PPWD1: variants seen among roughly 807,000 people sequenced by gnomAD.
PPWD1 encodes peptidylprolyl isomerase domain and WD repeat-containing protein 1.
Under a neutral mutation model 68.8 loss-of-function variants are expected in PPWD1, and 43 were observed. That is an observed-to-expected ratio of 0.62 (90% CI 0.49 to 0.81). The LOEUF (loss-of-function observed/expected upper bound fraction) is 0.81. Among genes scored for constraint, PPWD1 ranks in the 30% least tolerant of loss-of-function variants. The pLI is 0.00. For synonymous variants in PPWD1, 232 were observed against 258.7 expected (o/e 0.90, Z 0.99); for missense variants, 672 against 804.8 (o/e 0.83, Z 2.00).
At chr5:65,580,370 C>A (rs1753540559) in intron 7 of PPWD1, among the ~76,000 whole-genome samples, 1 of 152,144 alleles carries the variant, frequency 6.6e-6, no homozygotes, top group Non-Finnish European at 1.5e-5. Flanking sequence ...CTTCATTTTT[C>A]ATTCATTTGC....
chr5:65,565,097 TTAAA>T (rs1752678637), intron 1 of PPWD1, among the ~76,000 whole-genome samples: 1 of 152,274 alleles, frequency 6.6e-6, no homozygotes, highest in Admixed American at 6.5e-5. Context: ...GGTCCTCTTA[TTAAA>T]TGTTTCCATA....
intron 7 of PPWD1, among the ~76,000 whole-genome samples, chr5:65,581,236 A>C (rs926902914): frequency 1.3e-5 from 2 of 152,172 alleles, no homozygotes; most frequent in African/African-American, 4.8e-5. Context: ...TGAAGGAAAA[A>C]AATTAATCGT....
intron 1 of PPWD1, among the ~76,000 whole-genome samples, chr5:65,566,495 G>A (rs1463878682): frequency 1.3e-5 from 2 of 152,110 alleles, no homozygotes; most frequent in East Asian, 3.8e-4. Flanking sequence ...TCACTCCAGG[G>A]GAAAGTGAGA....
At chr5:65,578,099 G>C (rs1467870832) in intron 6 of PPWD1, among the ~76,000 whole-genome samples, 1 of 152,198 alleles carries the variant, frequency 6.6e-6, no homozygotes, top group African/African-American at 2.4e-5. Flanking sequence ...AAATCATACA[G>C]TATGTAGTCT....
chr5:65,571,583 GTGCTGCTATA>G (rs1015281101), intron 4 of PPWD1, among the ~76,000 whole-genome samples: 3 of 152,126 alleles, frequency 2.0e-5, no homozygotes, highest in Non-Finnish European at 4.4e-5. Flanking sequence ...AGAAATAAGT[GTGCTGCTATA>G]TGCAGTTCTT....
At chr5:65,580,611 T>G (rs895610305) in intron 7 of PPWD1, among the ~76,000 whole-genome samples, 3 of 152,182 alleles carry the variant, frequency 2.0e-5, no homozygotes, top group Non-Finnish European at 1.5e-5. Flanking sequence ...CCTCCTGGGT[T>G]CCAGCAATTC....
intron 7 of PPWD1, 84 bp from the exon 8 acceptor site, chr5:65,582,954 T>C: frequency 7.0e-7 from 1 of 1,427,610 alleles, no homozygotes. Context: ...TCTTAAGTAC[T>C]TCATTAGAAA....
chr5:65,580,094 A>T (rs1286540338), intron 7 of PPWD1, among the ~76,000 whole-genome samples: 1 of 151,472 alleles, frequency 6.6e-6, no homozygotes, highest in Non-Finnish European at 1.5e-5. Context: ...TCTTCTGGAG[A>T]ACTAAAAGTA....
In PPWD1 at chr5:65,583,141, A is replaced by G. The variant is rs1753670450; in HGVS notation, c.1454A>G (p.Glu485Gly). ...KEEVMAATQA[E>G]GPKRVSDSAI... ...GAAGTCATGGCAGCTACTCAAGCTGAAGGACCTAAACGAGTTTCGGACAGT... is the reference window on the plus strand; with the variant it reads ...GAAGTCATGGCAGCTACTCAAGCTGGAGGACCTAAACGAGTTTCGGACAGT... The change falls in exon 8 of 11, where the codon GAA becomes GGA. Residue 485 changes from glutamate (E) to glycine (G), a missense_variant. Coordinates refer to ENST00000261308, the MANE Select transcript of PPWD1 (RefSeq NM_015342.4). 1.9e-6 allele frequency: 3 copies of G among 1,613,746 alleles called. No homozygotes were observed. The highest frequency in any genetic ancestry group is 2.5e-6 in the Non-Finnish European group (3 of 1,179,852).
chr5:65,563,319 G>A lies in PPWD1; in HGVS notation c.9G>A (p.Ala3=), dbSNP rs774723839. The change falls in exon 1 of 11, where the codon GCG becomes GCA. Residue 3 remains alanine (A), a synonymous_variant. Coordinates refer to ENST00000261308, the MANE Select transcript of PPWD1 (RefSeq NM_015342.4). MA[A]ESGSDFQQRR... is the part of the protein sequence containing the mutation. ...CTGACGATGCGAACAACATGGCGGC[G>A]GAAAGTGGTAGCGATTTTCAGCAGA... The A allele has an allele frequency of 5.6e-6, 9 of 1,612,912 alleles. No individual in the cohort carries two copies. The African/African-American group carries it at 1.1e-4, about 19-fold the overall frequency.
At chr5:65,577,488 T>G (rs901638572) in intron 6 of PPWD1, among the ~76,000 whole-genome samples, 1 of 152,200 alleles carries the variant, frequency 6.6e-6, no homozygotes, top group African/African-American at 2.4e-5. Context: ...GTGAAAACAG[T>G]CCATTTGGTC....
rs1466146043 is a variant in PPWD1 at position 65,569,911 on chromosome 5, G to A, written c.434G>A (p.Gly145Glu). Reference sequence around the variant, plus strand: ...GAGAGTATTGCAGTTAGCTCTGAGGGAGCATTGTTCTGTTCTGTGGGTGAT... The same window carrying A: ...GAGAGTATTGCAGTTAGCTCTGAGGAAGCATTGTTCTGTTCTGTGGGTGAT... ...VIESIAVSSE[G>E]ALFCSVGDDK... The change falls in exon 4 of 11, where the codon GGA (glycine) becomes GAA (glutamate). Residue 145 changes from glycine to glutamate, a missense_variant. Physicochemically the swap from Gly to Glu is moderately conservative, Grantham distance 98. Coordinates refer to ENST00000261308, the MANE Select transcript of PPWD1 (RefSeq NM_015342.4). 6.2e-7 allele frequency: 1 copy of A among 1,611,056 alleles called. No individual in the cohort carries two copies. The highest frequency in any genetic ancestry group is 8.5e-7 in the Non-Finnish European group (1 of 1,178,090).
At chr5:65,578,402 A>G (rs1211177744) in intron 6 of PPWD1, among the ~76,000 whole-genome samples, 1 of 152,232 alleles carries the variant, frequency 6.6e-6, no homozygotes, top group Non-Finnish European at 1.5e-5. Context: ...TTAGTTTTGT[A>G]ACAGCCAAAC....
chr5:65,579,444 A>G lies in PPWD1; in HGVS notation c.1181A>G (p.Lys394Arg). 6.4e-7 allele frequency: 1 copy of G among 1,564,826 alleles called. No individual in the cohort carries two copies. The highest frequency in any genetic ancestry group is 1.2e-5 in the South Asian group (1 of 82,934). ...ETNRCVRILG[K>R]QENIRVMQLA... The stretch of plus-strand genomic sequence containing the variant: ...TTTAGGTGTGTGCGGATTTTAGGCA[A>G]ACAAGAAAATATTAGAGTGATGCAA... The change falls in exon 7 of 11, where the codon AAA becomes AGA. Residue 394 changes from lysine to arginine, a missense_variant. By Grantham distance (26) the Lys-to-Arg change is conservative. Around this residue, in one of 2 missense-constraint regions of PPWD1, gnomAD observed 484 missense variants for 646.2 expected, o/e 0.75. Coordinates refer to ENST00000261308, the MANE Select transcript of PPWD1 (RefSeq NM_015342.4).
chr5:65,576,437 C>T lies in PPWD1; in HGVS notation c.970-442C>T, dbSNP rs2150599959. 2.6e-6 allele frequency: 2 copies of T among 760,468 alleles called. 1 individual carries two copies. Among genetic ancestry groups the T allele is most frequent in the South Asian group, 1.2e-4 (2 of 16,648 alleles). The allele number at this position is 760,468 out of a possible 1,614,324, so 47.1% of individuals were successfully genotyped here. A position where few individuals can be genotyped will look rare whatever the true frequency, so the allele number is the denominator to read the frequency against. On this transcript the variant is annotated intron_variant, in intron 5 of 10. Transcript: ENST00000261308. ...TGTCCCCCAGGCCAGAGTGCAGTGG[C>T]GCAATTTCGGCTCACTGCAGCGTCT...
intron 10 of PPWD1, among the ~76,000 whole-genome samples, chr5:65,586,463 AATT>A (rs1753854959): frequency 1.3e-5 from 2 of 152,268 alleles, no homozygotes; most frequent in African/African-American, 2.4e-5. Flanking sequence ...ACCTAAAATA[AATT>A]ATTTCACTTC....
At chr5:65,569,813 T>G in intron 3 of PPWD1, 65 bp from the exon 4 acceptor site, 1 of 1,554,390 alleles carries the variant, frequency 6.4e-7, no homozygotes, top group Non-Finnish European at 8.7e-7. Flanking sequence ...TTTTTTTTCT[T>G]TGAATCATGC....
At chr5:65,586,207 A>G (rs1455451103) in intron 10 of PPWD1, 26 bp downstream of exon 10, 1 of 1,590,638 alleles carries the variant, frequency 6.3e-7, no homozygotes, top group South Asian at 1.1e-5. Flanking sequence ...TTGTTTATAA[A>G]CTACAGATTG....
chr5:65,582,233 T>G (rs2150606597), intron 7 of PPWD1, among the ~76,000 whole-genome samples: 1 of 152,294 alleles, frequency 6.6e-6, no homozygotes, highest in South Asian at 2.1e-4. Context: ...CATTTCTACT[T>G]AAAGAAACAG....
Sources: gnomAD v4.1 joint callset for allele counts (sites outside exome capture counted in the v4.1 genomes callset) on GRCh38, gnomAD v4.1.1 for gene constraint, gnomAD v4.1.1 regional missense constraint, MANE v1.5 for transcripts, NCBI Gene and HGNC (gene_info 2026-07-23, HGNC 2026-07-21) for gene names.